The following CCDC141 variants were observed in gnomAD, a reference collection of about 807,000 sequenced individuals.
CCDC141 encodes coiled-coil domain-containing protein 141.
CCDC141 carries 168 observed loss-of-function variants against 181.0 expected under a neutral mutation model. The ratio of observed to expected loss-of-function variants is 0.93; its 90% CI spans 0.82 to 1.05. The LOEUF is 1.05. Among genes scored for constraint, CCDC141 ranks in the 50% least tolerant of loss-of-function variants. The pLI is 0.00. For missense variants in CCDC141, 1,902 were observed against 1,788.5 expected, an observed-to-expected ratio of 1.06 and a Z score of -1.14; for synonymous variants, 666 against 642.3, an observed-to-expected ratio of 1.04 and a Z score of -0.56.
At chr2:178,936,523 G>A (rs1281935551) in intron 6 of CCDC141, among the ~76,000 whole-genome samples, 2 of 152,018 alleles carry the variant, frequency 1.3e-5, no homozygotes, top group Non-Finnish European at 1.5e-5. Flanking sequence ...TTGAACTTTG[G>A]TAACATAATG....
intron 6 of CCDC141, among the ~76,000 whole-genome samples, chr2:178,941,958 C>CAAAAAAAAA (rs66903231): frequency 8.4e-5 from 6 of 71,486 alleles, no homozygotes; most frequent in African/African-American, 3.1e-4. Context: ...GATCCCATCT[C>CAAAAAAAAA]AAAAAAAAAA....
At position 178,975,141 on chromosome 2, in the gene CCDC141, C is replaced by A; in HGVS notation, c.442G>T (p.Glu148Ter). The change falls in exon 4 of 24, where the codon GAA becomes TAA. Residue 148 changes from glutamate (E) to a stop codon, truncating the protein, a stop_gained. Coordinates refer to ENST00000443758, the MANE Select transcript of CCDC141 (RefSeq NM_173648.4). LOFTEE classifies it high-confidence loss of function. ...TCATGAGTATTCTGGAGGAAATCTT[C>A]AGCTTGGTCTATTTTAATAGCAAAC... ...LEFAIKIDQAEDFLQNTHEFE... is the reference protein window; with the variant it reads ...LEFAIKIDQA The A allele has an allele frequency of 6.6e-7, 1 of 1,509,480 alleles. No individual in the cohort carries two copies. Among genetic ancestry groups the A allele is most frequent in the Non-Finnish European group, 9.0e-7 (1 of 1,116,412 alleles). 93.5% of individuals were successfully genotyped at this position (1,509,480 alleles called of 1,614,324 possible).
chr2:178,825,683 T>C (rs1331294628), downstream of CCDC141, among the ~76,000 whole-genome samples: 1 of 132,786 alleles, frequency 7.5e-6, no homozygotes, highest in East Asian at 2.3e-4. Flanking sequence ...ATGTCGCAAC[T>C]AGATTTCAGG....
chr2:178,909,298 A>G (rs1161928788), intron 7 of CCDC141, among the ~76,000 whole-genome samples: 3 of 152,220 alleles, frequency 2.0e-5, no homozygotes, highest in Non-Finnish European at 2.9e-5. Context: ...CTTTTTCTCA[A>G]ATGTGTAAGG....
chr2:178,977,125 A>G (rs376706671), intron 3 of CCDC141, among the ~76,000 whole-genome samples: 4 of 152,318 alleles, frequency 2.6e-5, no homozygotes, highest in African/African-American at 9.6e-5. Flanking sequence ...AATACAAAAA[A>G]TAATTAGTCT....
chr2:178,856,303 A>C lies in CCDC141; in HGVS notation c.2819T>G (p.Leu940Arg), dbSNP rs1275920024. Residue 940 changes from leucine (L) to arginine (R), a missense_variant, in exon 18 of 24, where the codon CTT (leucine) becomes CGT (arginine). Physicochemically the swap from Leu to Arg is moderately radical, Grantham distance 102. Transcript: ENST00000443758. ...ATCAACTTGCTGAATTTGATATTTA[A>C]GCGCCTTCAGATTCCGAGATTTTTC... ...KNEKSRNLKA[L>R]KYQIQQVDMY... 1 of 1,610,776 alleles carries C rather than the reference A, an allele frequency of 6.2e-7. No homozygotes were observed. The highest frequency in any genetic ancestry group is 2.2e-5 in the East Asian group (1 of 44,810).
intron 2 of CCDC141, among the ~76,000 whole-genome samples, chr2:179,015,608 T>TCA (rs1174480958): frequency 1.7e-4 from 8 of 46,456 alleles, no homozygotes; most frequent in Non-Finnish European, 4.7e-4. Flanking sequence ...CTCATATATC[T>TCA]CATATAGCTC....
intron 5 of CCDC141, among the ~76,000 whole-genome samples, chr2:178,945,929 T>C (rs537754548): frequency 6.6e-6 from 1 of 152,092 alleles, no homozygotes; most frequent in East Asian, 1.9e-4. Flanking sequence ...AGGGCTGATA[T>C]CACAAAGCTG....
chr2:178,922,240 A>G (rs1392846087), intron 6 of CCDC141, among the ~76,000 whole-genome samples: 2 of 152,180 alleles, frequency 1.3e-5, no homozygotes, highest in East Asian at 1.9e-4. Context: ...TTTTTATCAT[A>G]TCCTTATGAG....
chr2:178,924,017 A>G (rs955852620), intron 6 of CCDC141, among the ~76,000 whole-genome samples: 3 of 152,182 alleles, frequency 2.0e-5, no homozygotes, highest in Non-Finnish European at 4.4e-5. Context: ...AGCTGCTCCA[A>G]CTGAAAAGAA....
intron 6 of CCDC141, among the ~76,000 whole-genome samples, chr2:178,926,982 A>C (rs1441416834): frequency 1.3e-5 from 2 of 152,148 alleles, no homozygotes; most frequent in Non-Finnish European, 2.9e-5. Flanking sequence ...TCTTTCCCAA[A>C]ATTGTCTATA....
At chr2:179,020,870 T>C (rs1311059917) in intron 2 of CCDC141, among the ~76,000 whole-genome samples, 1 of 152,214 alleles carries the variant, frequency 6.6e-6, no homozygotes, top group African/African-American at 2.4e-5. Context: ...CATTTCCTGA[T>C]GGCAGTTAGG....
chr2:178,972,573 G>T (rs945089794), intron 4 of CCDC141, among the ~76,000 whole-genome samples: 4 of 152,158 alleles, frequency 2.6e-5, no homozygotes, highest in African/African-American at 9.7e-5. Context: ...CCTGACACAT[G>T]GCCCTGGATT....
chr2:179,014,834 T>C (rs1345389404), intron 2 of CCDC141, among the ~76,000 whole-genome samples: 2 of 151,650 alleles, frequency 1.3e-5, no homozygotes, highest in Admixed American at 1.3e-4. Context: ...GAATGTAAAC[T>C]AGTACAACCA....
At chr2:178,860,870 G>T (rs1685583500) in intron 17 of CCDC141, among the ~76,000 whole-genome samples, 1 of 152,076 alleles carries the variant, frequency 6.6e-6, no homozygotes. Context: ...TGCATGTTTT[G>T]TGTCTTCATA....
At chr2:179,008,343 T>C (rs1466848875) in intron 2 of CCDC141, among the ~76,000 whole-genome samples, 2 of 152,166 alleles carry the variant, frequency 1.3e-5, no homozygotes, top group East Asian at 3.8e-4. Flanking sequence ...CTAGGAGACA[T>C]ATGACATGGC....
At chr2:178,907,012 AATGTCCTC>A (rs1688002276) in intron 7 of CCDC141, among the ~76,000 whole-genome samples, 1 of 152,170 alleles carries the variant, frequency 6.6e-6, no homozygotes, top group Non-Finnish European at 1.5e-5. Context: ...TTTTCCCACC[AATGTCCTC>A]ATGTCTCCCA....
At position 178,909,919 on chromosome 2, in the gene CCDC141, G is replaced by GA. The variant is rs796361499; in HGVS notation, c.1093-4419dup. On this transcript the variant is annotated intron_variant, in intron 7 of 23. Coordinates refer to ENST00000443758, the MANE Select transcript of CCDC141 (RefSeq NM_173648.4). ...AATAAAGCTACTATGACTGGATTGG[G>GA]AAAAAAGGATATAGGACAAGGATAA... Among the ~76,000 whole-genome samples, 9 of 152,120 alleles carry GA rather than the reference G, an allele frequency of 5.9e-5. 1 individual carries two copies. Among genetic ancestry groups the GA allele is most frequent in the African/African-American group, 2.2e-4 (9 of 41,498 alleles).
At chr2:178,951,198 A>G (rs1164337054) in intron 5 of CCDC141, among the ~76,000 whole-genome samples, 1 of 152,240 alleles carries the variant, frequency 6.6e-6, no homozygotes, top group Non-Finnish European at 1.5e-5. Flanking sequence ...TATCCCTGCC[A>G]AAGATATCGA....
Sources: allele counts gnomAD v4.1 joint callset (sites outside exome capture counted in the v4.1 genomes callset), GRCh38; gene constraint gnomAD v4.1.1; transcripts MANE v1.5; gene names NCBI Gene and HGNC (gene_info 2026-07-23, HGNC 2026-07-21).